CFTR: variants seen among roughly 807,000 people sequenced by gnomAD.
CFTR encodes the protein CF transmembrane conductance regulator.
Under a neutral mutation model 171.6 loss-of-function variants are expected in CFTR, and 181 were observed. The observed-to-expected ratio is 1.05, with a 90% CI of 0.93 to 1.19. The LOEUF (loss-of-function observed/expected upper bound fraction) is 1.19. Ranked by LOEUF, CFTR falls within the 50% of genes most tolerant of loss-of-function variation. The pLI is 0.00. For synonymous variants in CFTR, 583 were observed against 608.0 expected (o/e 0.96, Z 0.60); for missense variants, 1,968 against 1,734.7 (o/e 1.13, Z -2.39).
chr7:117,597,108 CTTTGTTCT>C (rs1486258388), intron 15 of CFTR, among the ~76,000 whole-genome samples: 1 of 152,172 alleles, frequency 6.6e-6, no homozygotes, highest in Non-Finnish European at 1.5e-5. Flanking sequence ...TCTGTAGAAG[CTTTGTTCT>C]TTTGTTCTTT....
chr7:117,581,642 T>C (rs1791851528), intron 11 of CFTR, among the ~76,000 whole-genome samples: 1 of 152,214 alleles, frequency 6.6e-6, no homozygotes, highest in Non-Finnish European at 1.5e-5. Context: ...AAAGACTTCC[T>C]CAAAGCTGTT....
chr7:117,599,478 G>C (rs1292011904), intron 15 of CFTR, among the ~76,000 whole-genome samples: 1 of 152,058 alleles, frequency 6.6e-6, no homozygotes, highest in East Asian at 1.9e-4. Context: ...AATTACAACA[G>C]AGAATATAAA....
Position 117,611,716 on chromosome 7 carries a change from A to G in CFTR, c.3275A>G (p.Tyr1092Cys), listed in dbSNP as rs764434414. The G allele has an allele frequency of 3.7e-6, 6 of 1,613,462 alleles. No individual in the cohort carries two copies. Among genetic ancestry groups the G allele is most frequent in the Admixed American group, 1.7e-5 (1 of 59,888 alleles). The change falls in exon 20 of 27, where the codon TAC becomes TGC. Residue 1092 changes from tyrosine (Y) to cysteine (C), a missense_variant. Transcript: ENST00000003084. ...TTACATACTGCCAACTGGTTCTTGTACCTGTCAACACTGCGCTGGTTCCAA... is the reference window on the plus strand; with the variant it reads ...TTACATACTGCCAACTGGTTCTTGTGCCTGTCAACACTGCGCTGGTTCCAA... ...LNLHTANWFL[Y>C]LSTLRWFQMR...
rs73215912 is a variant in CFTR, at chr7:117,542,024, A to C, written c.1125A>C (p.Leu375Phe). The part of the protein sequence containing the change: ...LGAINKIQDF[L>F]QKQEYKTLEY... ...CTCTCTTTTATAAATAGGATTTCTT[A>C]CAAAAGCAAGAATATAAGACATTGG... is the stretch of plus-strand genomic sequence containing the variant. Residue 375 changes from leucine (L) to phenylalanine (F), a missense_variant, in exon 9 of 27, where the codon TTA becomes TTC. By Grantham distance (22) the Leu-to-Phe change is conservative. Transcript: ENST00000003084. The C allele has an allele frequency of 9.6e-5, 146 of 1,522,558 alleles. No homozygotes were observed. The highest frequency in any genetic ancestry group is 1.3e-4 in the Non-Finnish European group (138 of 1,096,902). The allele number at this position is 1,522,558 out of a possible 1,614,324, so 94.3% of individuals were successfully genotyped here.
In CFTR at chr7:117,529,663, T is replaced by C. The variant is rs557706030; in HGVS notation, c.274-1236T>C. ...AATGACAGCTCTATATGGGTTAGGG[T>C]TTCTTGTGGGGATGACATTGATGTA... is the stretch of plus-strand genomic sequence containing the variant. On this transcript the variant is annotated intron_variant, in intron 3 of 26. Coordinates refer to ENST00000003084, the MANE Select transcript of CFTR (RefSeq NM_000492.4). Among the ~76,000 whole-genome samples the C allele has an allele frequency of 3.0e-4, 45 of 152,022 alleles. No individual in the cohort carries two copies. In the South Asian group the frequency reaches 8.7e-3, roughly 30 times the overall value.
intron 1 of CFTR, chr7:117,487,965 G>A (rs1051709009): frequency 2.6e-5 from 4 of 152,128 alleles, no homozygotes; most frequent in African/African-American, 7.2e-5. Context: ...GAGGAAGCAA[G>A]GTGGAGAAAC....
Position 117,664,804 on chromosome 7 carries a change from T to TAA in CFTR, c.4080_4081insAA (p.Leu1361AsnfsTer20), listed in dbSNP as rs1793344287. The TAA allele has an allele frequency of 1.9e-6, 3 of 1,613,936 alleles. No homozygotes were observed. Among genetic ancestry groups the TAA allele is most frequent in the Non-Finnish European group, 2.5e-6 (3 of 1,179,942 alleles). The stretch of plus-strand genomic sequence containing the variant: ...AGTTGATGTGCTTGGCTAGATCTGT[T>TAA]CTCAGTAAGGCGAAGATCTTGCTGC... On this transcript the variant is annotated frameshift_variant, in exon 25 of 27. Coordinates refer to ENST00000003084, the MANE Select transcript of CFTR (RefSeq NM_000492.4). LOFTEE classifies it high-confidence loss of function.
At chr7:117,599,318 C>G (rs573951620) in intron 15 of CFTR, among the ~76,000 whole-genome samples, 185 of 152,172 alleles carry the variant, frequency 1.2e-3, no homozygotes, top group African/African-American at 4.2e-3. Context: ...ATTTATAGGA[C>G]CTTTGTCTCA....
intron 23 of CFTR, among the ~76,000 whole-genome samples, chr7:117,649,215 A>G (rs985323572): frequency 6.6e-6 from 1 of 151,248 alleles, no homozygotes; most frequent in Non-Finnish European, 1.5e-5. Flanking sequence ...TGTTAGTATT[A>G]TTTCTTTAAA....
intron 21 of CFTR, among the ~76,000 whole-genome samples, chr7:117,618,255 G>A (rs77941195): frequency 0.011 from 1,659 of 152,112 alleles, 36 homozygotes; most frequent in African/African-American, 0.036. Flanking sequence ...TTGGAAGGCC[G>A]AGGCAGGCGA....
intron 15 of CFTR, among the ~76,000 whole-genome samples, chr7:117,600,377 C>T (rs1219732334): frequency 6.6e-6 from 1 of 151,934 alleles, no homozygotes. Context: ...GAAGCAGTTT[C>T]CTGGTTCTTT....
chr7:117,642,394 T>C, intron 22 of CFTR, 44 bp from the exon 23 acceptor site: 1 of 1,538,814 alleles, frequency 6.5e-7, no homozygotes, highest in Non-Finnish European at 9.0e-7. Flanking sequence ...TATGGCATGG[T>C]ACCTATATGT....
chr7:117,507,963 A>G (rs1407751626), intron 2 of CFTR, among the ~76,000 whole-genome samples: 3 of 152,018 alleles, frequency 2.0e-5, no homozygotes, highest in Non-Finnish European at 4.4e-5. Flanking sequence ...TTTTGTAGAG[A>G]CGGGGTTTTG....
chr7:117,506,148 A>G (rs531074464), intron 2 of CFTR, among the ~76,000 whole-genome samples: 1 of 152,210 alleles, frequency 6.6e-6, no homozygotes, highest in Non-Finnish European at 1.5e-5. Flanking sequence ...AACCTGTAGC[A>G]TTGCTGGAGA....
chr7:117,547,487 T>G (rs1799166184), intron 9 of CFTR, among the ~76,000 whole-genome samples: 1 of 151,878 alleles, frequency 6.6e-6, no homozygotes, highest in Admixed American at 6.6e-5. Context: ...TACAGATAAG[T>G]AATAACTATT....
intron 3 of CFTR, among the ~76,000 whole-genome samples, chr7:117,530,289 C>T (rs934459885): frequency 6.6e-6 from 1 of 152,092 alleles, no homozygotes; most frequent in Admixed American, 6.6e-5. Flanking sequence ...TTTTAAATAC[C>T]GCTAGTGCTG....
chr7:117,493,331 C>A lies in CFTR; in HGVS notation c.54-10922C>A, dbSNP rs35521564. Among the ~76,000 whole-genome samples the A allele has an allele frequency of 5.4e-3, 822 of 151,898 alleles. 7 individuals carry two copies. Among genetic ancestry groups the A allele is most frequent in the African/African-American group, 0.019 (767 of 41,432 alleles). The stretch of plus-strand genomic sequence containing the variant: ...AATAGCAACTTAAGTGTTTTGCAGA[C>A]CTTTACTTAGGTATATGTTGCTTTT... On this transcript the variant is annotated intron_variant, in intron 1 of 26. Coordinates refer to ENST00000003084, the MANE Select transcript of CFTR (RefSeq NM_000492.4).
chr7:117,584,319 T>C (rs1293292724), intron 11 of CFTR, among the ~76,000 whole-genome samples: 1 of 152,188 alleles, frequency 6.6e-6, no homozygotes, highest in East Asian at 1.9e-4. Flanking sequence ...TAGATTTAAG[T>C]CTTTGATTCA....
chr7:117,587,861 G>A, intron 12 of CFTR, 28 bp downstream of exon 12: 1 of 1,293,972 alleles, frequency 7.7e-7, no homozygotes, highest in Non-Finnish European at 1.1e-6. Context: ...GGTCTAGCAA[G>A]CATTTGCTGT....
Sources: gnomAD v4.1 joint callset for allele counts (sites outside exome capture counted in the v4.1 genomes callset) on GRCh38, gnomAD v4.1.1 for gene constraint, MANE v1.5 for transcripts, NCBI Gene and HGNC (gene_info 2026-07-23, HGNC 2026-07-21) for gene names.